Variants in TIAM2 observed in about 807,000 individuals in gnomAD.
TIAM2 encodes the protein rho guanine nucleotide exchange factor TIAM2.
Under a neutral mutation model 152.9 loss-of-function variants are expected in TIAM2, and 80 were observed. The observed-to-expected ratio is 0.52, with a 90% CI of 0.44 to 0.63. The LOEUF (loss-of-function observed/expected upper bound fraction) is 0.63. Among genes scored for constraint, TIAM2 ranks in the 30% least tolerant of loss-of-function variants. The probability of loss-of-function intolerance (pLI) is 0.00; values close to 1 mark genes in which losing one functional copy is unlikely to be tolerated. For missense variants in TIAM2, 1,965 were observed against 2,120.1 expected (o/e 0.93, Z 1.44); for synonymous variants, 804 against 838.0 (o/e 0.96, Z 0.70).
chr6:155,138,190 G>C (rs1034944533), intron 5 of TIAM2, among the ~76,000 whole-genome samples: 1 of 152,104 alleles, frequency 6.6e-6, no homozygotes, highest in Non-Finnish European at 1.5e-5. Context: ...TAGGTATTTA[G>C]CTTATTTATA....
chr6:155,122,441 G>C (rs1473834245), intron 2 of TIAM2, among the ~76,000 whole-genome samples: 1 of 148,882 alleles, frequency 6.7e-6, no homozygotes, highest in East Asian at 2.0e-4. Flanking sequence ...AGAATGGAAG[G>C]CAGGATTTTG....
At chr6:155,076,120 G>A (rs781708929) in intron 1 of TIAM2, among the ~76,000 whole-genome samples, 4 of 152,098 alleles carry the variant, frequency 2.6e-5, no homozygotes, top group Non-Finnish European at 5.9e-5. Context: ...TTCCACTTGC[G>A]GTGTCATGTT....
In TIAM2 at chr6:155,109,230, C is replaced by T. The variant is rs536062139; in HGVS notation, c.-117-18260C>T. Among the ~76,000 whole-genome samples the T allele has an allele frequency of 1.4e-4, 22 of 152,194 alleles. No homozygotes were observed. In the South Asian group the frequency reaches 4.4e-3, roughly 30 times the overall value. Reference sequence around the variant, plus strand: ...TGATCTCCTGACGTCATGATCCGCCCGCCTCGGCCTCCCAAAGTGCTGGGA... The same window carrying T: ...TGATCTCCTGACGTCATGATCCGCCTGCCTCGGCCTCCCAAAGTGCTGGGA... On this transcript the variant is annotated intron_variant, in intron 2 of 26. Transcript: ENST00000682666.
intron 24 of TIAM2, chr6:155,253,263 C>T (rs182451872): frequency 4.0e-6 from 2 of 505,230 alleles, no homozygotes; most frequent in Non-Finnish European, 7.0e-6. Flanking sequence ...TTGCCAAATG[C>T]CTTTCATTGT....
intron 1 of TIAM2, among the ~76,000 whole-genome samples, chr6:155,048,505 G>T (rs995775561): frequency 6.6e-6 from 1 of 152,144 alleles, no homozygotes; most frequent in African/African-American, 2.4e-5. Context: ...AAACAAGGCT[G>T]CAAGGACAAG....
chr6:155,189,867 T>C (rs988352880), intron 14 of TIAM2, among the ~76,000 whole-genome samples: 17 of 151,712 alleles, frequency 1.1e-4, no homozygotes, highest in African/African-American at 3.4e-4. Flanking sequence ...TCTAGAAGGG[T>C]TTGTGTTTGA....
At chr6:155,016,578 T>G (rs966251837) in intron 1 of TIAM2, among the ~76,000 whole-genome samples, 1 of 143,230 alleles carries the variant, frequency 7.0e-6, no homozygotes. Flanking sequence ...TTAAATGGTA[T>G]TTACATTTAA....
chr6:155,019,872 G>A (rs1170830269), intron 1 of TIAM2, among the ~76,000 whole-genome samples: 1 of 152,150 alleles, frequency 6.6e-6, no homozygotes, highest in Non-Finnish European at 1.5e-5. Flanking sequence ...GGCCAACAAG[G>A]TAAAACCCCA....
At chr6:155,227,189 G>A (rs929819918) in intron 15 of TIAM2, among the ~76,000 whole-genome samples, 1 of 152,178 alleles carries the variant, frequency 6.6e-6, no homozygotes, top group Non-Finnish European at 1.5e-5. Flanking sequence ...TCACTCCCTT[G>A]AATCCTTATT....
chr6:155,012,936 C>T (rs1778513765), intron 1 of TIAM2, among the ~76,000 whole-genome samples: 1 of 152,172 alleles, frequency 6.6e-6, no homozygotes, highest in South Asian at 2.1e-4. Context: ...TCATAAAATA[C>T]TGGGAGAGAC....
intron 2 of TIAM2, among the ~76,000 whole-genome samples, chr6:155,091,724 C>G (rs903118133): frequency 5.9e-5 from 9 of 151,960 alleles, no homozygotes; most frequent in African/African-American, 2.2e-4. Context: ...ATTGGAATAT[C>G]CAAAAGTAGT....
At chr6:155,118,431 TTTTC>T (rs558252180) in intron 2 of TIAM2, among the ~76,000 whole-genome samples, 2,252 of 87,748 alleles carry the variant, frequency 0.026, 83 homozygotes, top group African/African-American at 0.15. Flanking sequence ...TTCTTTTTCT[TTTTC>T]TTTTTTTTTT....
At chr6:155,183,721 C>T (rs1780967451) in intron 14 of TIAM2, among the ~76,000 whole-genome samples, 1 of 151,950 alleles carries the variant, frequency 6.6e-6, no homozygotes, top group Non-Finnish European at 1.5e-5. Flanking sequence ...TATTTTTGCA[C>T]AAAATAACAT....
At chr6:155,055,371 G>A (rs1382302934) in intron 1 of TIAM2, among the ~76,000 whole-genome samples, 1 of 152,166 alleles carries the variant, frequency 6.6e-6, no homozygotes, top group African/African-American at 2.4e-5. Context: ...TACTTGTGAA[G>A]TTCCTGAGGA....
chr6:155,099,674 G>T (rs954970676), intron 2 of TIAM2, among the ~76,000 whole-genome samples: 43 of 152,286 alleles, frequency 2.8e-4, no homozygotes, highest in African/African-American at 9.9e-4. Flanking sequence ...ATGGCTACCA[G>T]TGTTTTCTGT....
intron 1 of TIAM2, chr6:155,014,088 A>G (rs2114851667): frequency 6.6e-6 from 1 of 152,344 alleles, no homozygotes; most frequent in East Asian, 1.9e-4. Flanking sequence ...TTTCACACAA[A>G]AAATATGTGG....
intron 1 of TIAM2, among the ~76,000 whole-genome samples, chr6:155,052,712 GC>G (rs1777344141): frequency 6.7e-6 from 1 of 148,586 alleles, no homozygotes; most frequent in Non-Finnish European, 1.5e-5. Context: ...GTTGCAGTGA[GC>G]CAAGATTGCA....
At chr6:155,187,249 G>GA (rs1185482333) in intron 14 of TIAM2, among the ~76,000 whole-genome samples, 3 of 151,686 alleles carry the variant, frequency 2.0e-5, no homozygotes, top group African/African-American at 2.4e-5. Context: ...TTTCAAGTGG[G>GA]AAAAAAAATC....
At chr6:155,188,720 C>T (rs953773142) in intron 14 of TIAM2, among the ~76,000 whole-genome samples, 1 of 152,160 alleles carries the variant, frequency 6.6e-6, no homozygotes, top group African/African-American at 2.4e-5. Flanking sequence ...TCTTTTGAAA[C>T]ATTCCAGCAG....
Sources: allele counts gnomAD v4.1 joint callset (sites outside exome capture counted in the v4.1 genomes callset), GRCh38; gene constraint gnomAD v4.1.1; transcripts MANE v1.5; gene names NCBI Gene and HGNC (gene_info 2026-07-23, HGNC 2026-07-21).